The following ABCA13 variants were observed in gnomAD, a reference collection of about 807,000 sequenced individuals.
The protein encoded by ABCA13 is ATP-binding cassette sub-family A member 13.
Under a neutral mutation model 478.7 loss-of-function variants are expected in ABCA13, and 476 were observed. The observed-to-expected ratio is 0.99, with a 90% CI of 0.92 to 1.07. ABCA13 has a LOEUF of 1.07. Among genes scored for constraint, ABCA13 ranks in the 50% least tolerant of loss-of-function variants. ABCA13 has a pLI of 0.00. For synonymous variants in ABCA13, 2,252 were observed against 2,158.9 expected (o/e 1.04, Z -1.20); for missense variants, 6,060 against 5,910.6 (o/e 1.03, Z -0.83).
chr7:48,229,822 T>A lies in ABCA13; in HGVS notation c.633-3T>A. The A allele has an allele frequency of 6.2e-7, 1 of 1,613,924 alleles. No individual in the cohort carries two copies. Among genetic ancestry groups the A allele is most frequent in the Non-Finnish European group, 8.5e-7 (1 of 1,179,864 alleles). On this transcript the variant is annotated splice_polypyrimidine_tract_variant and splice_region_variant and intron_variant, in intron 6 of 61. Coordinates refer to ENST00000435803, the MANE Select transcript of ABCA13 (RefSeq NM_152701.5). ...ATTGCTTTTTGTTTTGTTTTGGTTCTAGTTCCTTAATATCCCTAGAAGATT... is the reference window on the plus strand; with the variant it reads ...ATTGCTTTTTGTTTTGTTTTGGTTCAAGTTCCTTAATATCCCTAGAAGATT...
intron 40 of ABCA13, 140 bp from the exon 41 acceptor site, chr7:48,412,213 A>G (rs1303642517): frequency 2.8e-5 from 18 of 639,736 alleles, no homozygotes; most frequent in Admixed American, 3.0e-5. Flanking sequence ...TGAGATGCCT[A>G]TTGCTTAAGT....
chr7:48,409,926 CA>C (rs58737850), intron 39 of ABCA13, among the ~76,000 whole-genome samples: 11,917 of 124,060 alleles, frequency 0.096, 691 homozygotes, highest in African/African-American at 0.18. Context: ...CTAAAAATAC[CA>C]AAAAAAAAAA....
intron 40 of ABCA13, among the ~76,000 whole-genome samples, chr7:48,411,432 C>A (rs577818010): frequency 6.6e-6 from 1 of 151,708 alleles, no homozygotes; most frequent in African/African-American, 2.4e-5. Flanking sequence ...CTCAGCCTCC[C>A]GAGTAGCTGG....
rs764681827 is a variant in ABCA13 at position 48,350,691 on chromosome 7, G to A, written c.10253G>A (p.Arg3418His). The change falls in exon 30 of 62, where the codon CGT (arginine) becomes CAT (histidine). Residue 3418 changes from arginine to histidine, a missense_variant. This residue lies in a region of ABCA13 where 4,423 missense variants were observed against 4,309.1 expected (regional missense o/e 1.03). Coordinates refer to ENST00000435803, the MANE Select transcript of ABCA13 (RefSeq NM_152701.5). ...AACCATGCAGGCGCTGGACGCTTCC[G>A]TTTCTTGGGCAGCATCTTGGTCAAT... ...MFNHAGAGRFRFLGSILVNLS... is the reference protein window; with the variant it reads ...MFNHAGAGRFHFLGSILVNLS... The A allele has an allele frequency of 3.4e-5, 55 of 1,613,796 alleles. No individual in the cohort carries two copies. Among genetic ancestry groups the A allele is most frequent in the East Asian group, 8.9e-5 (4 of 44,882 alleles).
chr7:48,629,185 G>T (rs1793937048), intron 59 of ABCA13, among the ~76,000 whole-genome samples: 1 of 152,154 alleles, frequency 6.6e-6, no homozygotes, highest in South Asian at 2.1e-4. Context: ...CACCTTCTCT[G>T]CTGGACAGCC....
At chr7:48,645,392 A>G (rs1795380203) in intron 61 of ABCA13, 25 bp from the exon 62 acceptor site, 2 of 1,529,614 alleles carry the variant, frequency 1.3e-6, no homozygotes, top group African/African-American at 2.8e-5. Flanking sequence ...TTATAAGTAA[A>G]CAACATTTTT....
At position 48,272,343 on chromosome 7, in the gene ABCA13, C is replaced by G. The variant is rs534252499; in HGVS notation, c.2677C>G (p.Arg893Gly). ...ACCAGCTATGAACATAGATTTTGTA[C>G]GTTTAAGTGAGGCTATAATAACTAG... ...KSPAMNIDFVRLSEAIITSLH... is the reference protein window; with the variant it reads ...KSPAMNIDFVGLSEAIITSLH... Residue 893 changes from arginine (R) to glycine (G), a missense_variant, in exon 17 of 62, where the codon CGT (arginine) becomes GGT (glycine). By Grantham distance (125) the Arg-to-Gly change is moderately radical (BLOSUM62 -2). Coordinates refer to ENST00000435803, the MANE Select transcript of ABCA13 (RefSeq NM_152701.5). 4 of 1,613,680 alleles carry G rather than the reference C, an allele frequency of 2.5e-6. No individual in the cohort carries two copies. Among genetic ancestry groups the G allele is most frequent in the Middle Eastern group, 1.7e-4 (1 of 6,060 alleles).
intron 55 of ABCA13, among the ~76,000 whole-genome samples, chr7:48,570,445 C>T (rs1463308781): frequency 1.3e-5 from 2 of 151,222 alleles, no homozygotes; most frequent in Non-Finnish European, 2.9e-5. Context: ...CTGCCTCAGC[C>T]TCCCAAGTAG....
intron 3 of ABCA13, among the ~76,000 whole-genome samples, chr7:48,208,781 AT>A (rs2128937454): frequency 6.6e-6 from 1 of 152,226 alleles, no homozygotes. Context: ...TTCCTTTCCA[AT>A]TTGGATTCCC....
At chr7:48,491,487 T>G (rs542461712) in intron 48 of ABCA13, among the ~76,000 whole-genome samples, 57 of 152,286 alleles carry the variant, frequency 3.7e-4, no homozygotes, top group African/African-American at 1.2e-3. Flanking sequence ...AGAAGTAGAA[T>G]GCAGACGTTT....
At chr7:48,446,151 G>T (rs147114164) in intron 42 of ABCA13, among the ~76,000 whole-genome samples, 3 of 152,252 alleles carry the variant, frequency 2.0e-5, no homozygotes, top group African/African-American at 7.2e-5. Context: ...TACTTAGTAA[G>T]ATGGCATATT....
rs762101959 is a variant in ABCA13 at position 48,274,161 on chromosome 7, C to T, written c.4495C>T (p.Gln1499Ter). Residue 1499 changes from glutamine (Q) to a stop codon, truncating the protein, a stop_gained, in exon 17 of 62, where the codon CAA (glutamine) becomes TAA (stop). Transcript: ENST00000435803. LOFTEE classifies it high-confidence loss of function. ...AGCTCTTTTAAATGATTCCACAAAG[C>T]AAGTAAGGATGAGTATCAACAACTT... ...LLALLNDSTKQVRMSINNLTT... is the reference protein window; with the variant it reads ...LLALLNDSTK 1 of 1,610,190 alleles carries T rather than the reference C, an allele frequency of 6.2e-7. No individual in the cohort carries two copies. The highest frequency in any genetic ancestry group is 1.3e-5 in the African/African-American group (1 of 74,958).
chr7:48,436,433 G>T (rs565201907), intron 42 of ABCA13, among the ~76,000 whole-genome samples: 4 of 151,420 alleles, frequency 2.6e-5, no homozygotes, highest in African/African-American at 4.8e-5. Flanking sequence ...CTAGCTAAAG[G>T]TTTATCTATT....
intron 24 of ABCA13, 104 bp downstream of exon 24, chr7:48,310,245 C>T: frequency 7.9e-7 from 1 of 1,267,610 alleles, no homozygotes. Context: ...GAGATCAGCA[C>T]CTGGCCACTC....
In ABCA13 at chr7:48,448,152, T is replaced by C. The variant is rs144235439; in HGVS notation, c.12566-6885T>C. ...CCTTGCCTCCCAAATGTGACCAAAA[T>C]AGAAATCAGAGAGCAGGGTTAAGGC... On this transcript the variant is annotated intron_variant, in intron 42 of 61. Transcript: ENST00000435803. Among the ~76,000 whole-genome samples the C allele has an allele frequency of 3.6e-4, 55 of 152,212 alleles. No individual in the cohort carries two copies. In the East Asian group the frequency reaches 0.01, roughly 28 times the overall value.
chr7:48,427,168 T>C (rs770593059), intron 41 of ABCA13, among the ~76,000 whole-genome samples: 17 of 152,198 alleles, frequency 1.1e-4, no homozygotes, highest in Admixed American at 6.5e-5. Flanking sequence ...CACTTCTGCT[T>C]TCTCACCTTA....
At chr7:48,624,129 G>A (rs1052900201) in intron 59 of ABCA13, among the ~76,000 whole-genome samples, 1 of 151,902 alleles carries the variant, frequency 6.6e-6, no homozygotes. Context: ...GAGAGCTGGA[G>A]TGGAGTGGCA....
intron 58 of ABCA13, among the ~76,000 whole-genome samples, chr7:48,606,991 T>G (rs927823624): frequency 1.2e-4 from 19 of 152,248 alleles, no homozygotes; most frequent in African/African-American, 4.6e-4. Flanking sequence ...TCCTGAGGGC[T>G]TTGTTTACAC....
chr7:48,229,744 G>A, intron 6 of ABCA13, 81 bp from the exon 7 acceptor site: 1 of 1,540,034 alleles, frequency 6.5e-7, no homozygotes, highest in Admixed American at 1.7e-5. Flanking sequence ...CAGTCCATGG[G>A]ATGTAAGTAA....
Sources: allele counts gnomAD v4.1 joint callset (sites outside exome capture counted in the v4.1 genomes callset), GRCh38; gene constraint gnomAD v4.1.1; regional missense constraint gnomAD v4.1.1; transcripts MANE v1.5; gene names NCBI Gene and HGNC (gene_info 2026-07-23, HGNC 2026-07-21).